The following EXT1 variants were observed in gnomAD, a reference collection of about 807,000 sequenced individuals.
EXT1 encodes the protein exostosin glycosyltransferase 1.
A neutral mutation model predicts 82.5 loss-of-function variants in EXT1; 20 were observed. The observed-to-expected ratio is 0.24, with a 90% CI of 0.17 to 0.35. The LOEUF is 0.35. Ranked by LOEUF, EXT1 falls within the 10% of genes least tolerant of loss-of-function variation. The probability of loss-of-function intolerance (pLI) is 1.00; values close to 1 mark genes in which losing one functional copy is unlikely to be tolerated. For synonymous variants in EXT1, 348 were observed against 350.8 expected (o/e 0.99, Z 0.09); for missense variants, 757 against 936.5 (o/e 0.81, Z 2.50).
Position 117,794,553 on chromosome 8 carries a change from GTCTT to G in EXT1, c.*5155_*5158del, listed in dbSNP as rs1239806444. 6.6e-6 allele frequency: 1 copy of G among 151,946 alleles called. No individual in the cohort carries two copies. Among genetic ancestry groups the G allele is most frequent in the East Asian group, 1.9e-4 (1 of 5,190 alleles). 9.4% of individuals were successfully genotyped at this position (151,946 alleles called of 1,614,324 possible). The stretch of plus-strand genomic sequence containing the variant: ...TTCTTCTATAAATTGGAAGGAAAAA[GTCTT>G]TGGTGACACTCTCTATAAAACAATC... On this transcript the variant is annotated 3_prime_UTR_variant, in exon 11 of 11. Coordinates refer to ENST00000378204, the MANE Select transcript of EXT1 (RefSeq NM_000127.3).
At chr8:117,907,734 T>C (rs13265834) in intron 1 of EXT1, among the ~76,000 whole-genome samples, 118,722 of 152,138 alleles carry the variant, frequency 0.78, 46,884 homozygotes, top group Non-Finnish European at 0.85. Context: ...TAAGAATCTA[T>C]TCTAGGTCTT....
intron 1 of EXT1, among the ~76,000 whole-genome samples, chr8:118,050,095 G>A (rs778937169): frequency 3.9e-5 from 6 of 152,180 alleles, no homozygotes; most frequent in Non-Finnish European, 7.3e-5. Flanking sequence ...ACCAGTTTAT[G>A]GAGGAAAAGA....
At chr8:117,859,913 G>C (rs55937833) in intron 1 of EXT1, among the ~76,000 whole-genome samples, 1 of 151,990 alleles carries the variant, frequency 6.6e-6, no homozygotes, top group South Asian at 2.1e-4. Flanking sequence ...TTGGGAGGCC[G>C]AGGTGGGCAG....
At chr8:118,013,600 G>C (rs1292733038) in intron 1 of EXT1, among the ~76,000 whole-genome samples, 2 of 152,194 alleles carry the variant, frequency 1.3e-5, no homozygotes, top group African/African-American at 4.8e-5. Flanking sequence ...GTGGCACATA[G>C]AAAGGATGGA....
intron 7 of EXT1, among the ~76,000 whole-genome samples, chr8:117,818,026 T>C (rs909352772): frequency 6.6e-6 from 1 of 152,208 alleles, no homozygotes; most frequent in East Asian, 1.9e-4. Flanking sequence ...ACATAGCTCA[T>C]TCAGATTAAT....
chr8:117,825,907 C>A (rs1812001172), intron 4 of EXT1, among the ~76,000 whole-genome samples: 1 of 152,204 alleles, frequency 6.6e-6, no homozygotes, highest in African/African-American at 2.4e-5. Flanking sequence ...TGGCTCTTTT[C>A]ACATATTATC....
At chr8:118,014,702 G>A (rs1815969909) in intron 1 of EXT1, among the ~76,000 whole-genome samples, 1 of 152,050 alleles carries the variant, frequency 6.6e-6, no homozygotes, top group South Asian at 2.1e-4. Context: ...AGCCCCGAAA[G>A]TGCTGGGATT....
chr8:117,896,416 C>CA (rs1423779247), intron 1 of EXT1, among the ~76,000 whole-genome samples: 2 of 152,142 alleles, frequency 1.3e-5, no homozygotes, highest in African/African-American at 4.8e-5. Flanking sequence ...AAAAAGAAAG[C>CA]AAAAAACAAT....
At chr8:117,855,116 C>T (rs1044743860) in intron 1 of EXT1, among the ~76,000 whole-genome samples, 1 of 152,182 alleles carries the variant, frequency 6.6e-6, no homozygotes, top group Admixed American at 6.5e-5. Context: ...CATATCCTCT[C>T]TCCCCACTGC....
intron 1 of EXT1, among the ~76,000 whole-genome samples, chr8:117,927,244 A>G (rs112539464): frequency 5.3e-5 from 8 of 152,264 alleles, no homozygotes; most frequent in African/African-American, 1.9e-4. Context: ...TGTTACATCA[A>G]AAAGGTTTTT....
At chr8:118,017,546 AC>A (rs1816025222) in intron 1 of EXT1, among the ~76,000 whole-genome samples, 1 of 152,036 alleles carries the variant, frequency 6.6e-6, no homozygotes, top group Non-Finnish European at 1.5e-5. Flanking sequence ...GTATGCAGAC[AC>A]TCTTGCCATT....
rs1334177313 is a variant in EXT1, at chr8:117,988,077, G to C, written c.962+122008C>G. On this transcript the variant is annotated intron_variant, in intron 1 of 10. Coordinates refer to ENST00000378204, the MANE Select transcript of EXT1 (RefSeq NM_000127.3). ...CACTCCAGCCTGAGCAACAGAGTGAGATCCTGTCACAAATAAATAAATACA... is the reference window on the plus strand; with the variant it reads ...CACTCCAGCCTGAGCAACAGAGTGACATCCTGTCACAAATAAATAAATACA... 5.9e-5 allele frequency among the ~76,000 whole-genome samples: 9 copies of C among 152,066 alleles called. No individual in the cohort carries two copies. In the East Asian group the frequency reaches 1.7e-3, roughly 29 times the overall value.
intron 1 of EXT1, among the ~76,000 whole-genome samples, chr8:118,024,395 A>C (rs1342562201): frequency 6.6e-6 from 1 of 152,162 alleles, no homozygotes; most frequent in Non-Finnish European, 1.5e-5. Flanking sequence ...TACCCAAAGG[A>C]AGTTTCTACA....
chr8:117,997,442 T>C (rs1375619093), intron 1 of EXT1, among the ~76,000 whole-genome samples: 4 of 152,062 alleles, frequency 2.6e-5, no homozygotes, highest in African/African-American at 7.2e-5. Flanking sequence ...AAAGAATTTA[T>C]ATTTATTTAC....
intron 1 of EXT1, among the ~76,000 whole-genome samples, chr8:118,080,500 G>T (rs753696805): frequency 3.3e-5 from 5 of 151,974 alleles, no homozygotes; most frequent in Non-Finnish European, 7.4e-5. Context: ...TTCTGGTGGA[G>T]ACTGAAACAT....
At chr8:117,824,191 G>A (rs1258917758) in intron 4 of EXT1, among the ~76,000 whole-genome samples, 1 of 151,908 alleles carries the variant, frequency 6.6e-6, no homozygotes, top group Non-Finnish European at 1.5e-5. Flanking sequence ...AAAATAAATT[G>A]ACAATAGACA....
chr8:118,044,841 A>G (rs1816596778), intron 1 of EXT1, among the ~76,000 whole-genome samples: 1 of 152,182 alleles, frequency 6.6e-6, no homozygotes, highest in South Asian at 2.1e-4. Flanking sequence ...GCTTTTGTAA[A>G]CAAAGTTTTA....
chr8:118,063,213 A>T (rs17476917), intron 1 of EXT1, among the ~76,000 whole-genome samples: 1,664 of 152,290 alleles, frequency 0.011, 29 homozygotes, highest in African/African-American at 0.037. Context: ...GTAAAAAAAA[A>T]ATTCAAGTTC....
At chr8:118,015,683 T>C (rs1464214241) in intron 1 of EXT1, among the ~76,000 whole-genome samples, 1 of 152,120 alleles carries the variant, frequency 6.6e-6, no homozygotes, top group Non-Finnish European at 1.5e-5. Flanking sequence ...AATGCAGATG[T>C]TATGGGTGAA....
Sources: gnomAD v4.1 joint callset for allele counts (sites outside exome capture counted in the v4.1 genomes callset) on GRCh38, gnomAD v4.1.1 for gene constraint, MANE v1.5 for transcripts, NCBI Gene and HGNC (gene_info 2026-07-23, HGNC 2026-07-21) for gene names.